PIEZO2: variants seen among roughly 807,000 people sequenced by gnomAD.
PIEZO2 encodes piezo-type mechanosensitive ion channel component 2.
A neutral mutation model predicts 337.3 loss-of-function variants in PIEZO2; 172 were observed. That is an observed-to-expected ratio of 0.51 (90% CI 0.45 to 0.58). The LOEUF is 0.58. PIEZO2 is among the 20% of genes least tolerant of loss of function. PIEZO2 has a pLI of 0.00. For synonymous variants in PIEZO2, 1,251 were observed against 1,228.5 expected (o/e 1.02, Z -0.38); for missense variants, 3,028 against 3,391.3 (o/e 0.89, Z 2.66).
Position 10,828,126 on chromosome 18 carries a change from G to T in PIEZO2, c.918-20852C>A, listed in dbSNP as rs768040803. 1.4e-4 allele frequency among the ~76,000 whole-genome samples: 13 copies of T among 92,018 alleles called. No homozygotes were observed. Among genetic ancestry groups the T allele is most frequent in the African/African-American group, 5.8e-4 (10 of 17,390 alleles). 60.4% of individuals were successfully genotyped at this position (92,018 alleles called of 152,430 possible). A position where few individuals can be genotyped will look rare whatever the true frequency, so the allele number is the denominator to read the frequency against. Reference sequence around the variant, plus strand: ...CGAAATAGCATGACGGTTTTTTTTTGTTTGTTTGTTTTTGTTTTTTTTTTT... The same window carrying T: ...CGAAATAGCATGACGGTTTTTTTTTTTTTGTTTGTTTTTGTTTTTTTTTTT... On this transcript the variant is annotated intron_variant, in intron 7 of 55. Transcript: ENST00000674853. The surrounding 1 kb of genome is among the most constrained non-coding windows in gnomAD (Gnocchi z 4.1).
intron 36 of PIEZO2, among the ~76,000 whole-genome samples, chr18:10,730,334 G>A (rs900586067): frequency 6.6e-6 from 1 of 152,194 alleles, no homozygotes; most frequent in Non-Finnish European, 1.5e-5. Flanking sequence ...TATTTCATTT[G>A]TATTTCTTGT....
In PIEZO2 at chr18:10,942,015, C is replaced by T. The variant is rs533609652; in HGVS notation, c.287-30787G>A. On this transcript the variant is annotated intron_variant, in intron 3 of 55. Transcript: ENST00000674853. This position sits in a 1 kb window ranked among gnomAD's most constrained non-coding sequence, Gnocchi z 4.4. ...GAGTTTCTCTGTACAAGTCTCTCTT[C>T]GCCTGCTGCCATCCACGTAAGATGT... 3.3e-5 allele frequency among the ~76,000 whole-genome samples: 5 copies of T among 152,192 alleles called. No individual in the cohort carries two copies. Among genetic ancestry groups the T allele is most frequent in the Admixed American group, 1.3e-4 (2 of 15,286 alleles).
Position 10,878,685 on chromosome 18 carries a change from G to A in PIEZO2, c.330-7270C>T, listed in dbSNP as rs903161441. ...AAGCACTTACTATGTGCCAGACACTGTCTCTAAGCACAGAGTATTGGTTGT... is the reference window on the plus strand; with the variant it reads ...AAGCACTTACTATGTGCCAGACACTATCTCTAAGCACAGAGTATTGGTTGT... On this transcript the variant is annotated intron_variant, in intron 4 of 55. Transcript: ENST00000674853. This position sits in a 1 kb window ranked among gnomAD's most constrained non-coding sequence, Gnocchi z 4.3. Among the ~76,000 whole-genome samples the A allele has an allele frequency of 2.0e-5, 3 of 151,936 alleles. No homozygotes were observed. Among genetic ancestry groups the A allele is most frequent in the Admixed American group, 6.6e-5 (1 of 15,248 alleles).
At chr18:10,947,333 G>A (rs1476510340) in intron 3 of PIEZO2, among the ~76,000 whole-genome samples, 1 of 151,978 alleles carries the variant, frequency 6.6e-6, no homozygotes, top group Non-Finnish European at 1.5e-5. Flanking sequence ...AAACCACGGA[G>A]GCCAGAAAAA....
chr18:10,970,312 G>A (rs2034183417), intron 3 of PIEZO2, among the ~76,000 whole-genome samples: 3 of 152,226 alleles, frequency 2.0e-5, no homozygotes, highest in Admixed American at 2.0e-4. Flanking sequence ...CAACGGGAAG[G>A]AGGAGATGAG....
intron 18 of PIEZO2, among the ~76,000 whole-genome samples, chr18:10,778,254 C>T (rs182123945): frequency 5.3e-5 from 8 of 152,186 alleles, no homozygotes. Flanking sequence ...ACACTGCATA[C>T]AGCATTTCAG....
At chr18:11,100,769 G>T (rs2039393753) in intron 1 of PIEZO2, among the ~76,000 whole-genome samples, 2 of 152,084 alleles carry the variant, frequency 1.3e-5, no homozygotes, top group East Asian at 3.9e-4. Context: ...CTAATTTTTT[G>T]TATTTTTAGT....
intron 2 of PIEZO2, among the ~76,000 whole-genome samples, chr18:10,995,108 C>T (rs895976154): frequency 1.7e-5 from 2 of 116,846 alleles, no homozygotes; most frequent in African/African-American, 3.6e-5. Context: ...AAAAGCGTTC[C>T]CTGCTCATCA....
rs1568354140 is a variant in PIEZO2, at chr18:11,077,636, C to CT, written c.65-11415dup. Among the ~76,000 whole-genome samples the CT allele has an allele frequency of 6.6e-6, 1 of 152,194 alleles. No individual in the cohort carries two copies. ...GCTGCAGTGAGCTGTGATCGCACCA[C>CT]TGCACTCCAGCCTGTTTCAGAAGTT... On this transcript the variant is annotated intron_variant, in intron 1 of 55. Coordinates refer to ENST00000674853, the MANE Select transcript of PIEZO2 (RefSeq NM_001378183.1). This position sits in a 1 kb window ranked among gnomAD's most constrained non-coding sequence, Gnocchi z 4.8.
At chr18:10,991,843 CCAA>C (rs2145559168) in intron 2 of PIEZO2, among the ~76,000 whole-genome samples, 1 of 152,314 alleles carries the variant, frequency 6.6e-6, no homozygotes, top group South Asian at 2.1e-4. Context: ...TACACTCCCA[CCAA>C]CAGTGTAAAA....
At chr18:10,902,638 A>C (rs993982403) in intron 4 of PIEZO2, among the ~76,000 whole-genome samples, 22 of 152,228 alleles carry the variant, frequency 1.4e-4, no homozygotes, top group African/African-American at 5.3e-4. Flanking sequence ...AAATAATATT[A>C]GTGTCATTTT....
rs2041405023 is a variant in PIEZO2, at chr18:10,847,507, A to G, written c.917+7846T>C. ...AGTGCAAAGGCCCGTGGGCTCGGCG[A>G]GAAGCCACAGTTGCTTTTGTACCCA... is the stretch of plus-strand genomic sequence containing the variant. On this transcript the variant is annotated intron_variant, in intron 7 of 55. Coordinates refer to ENST00000674853, the MANE Select transcript of PIEZO2 (RefSeq NM_001378183.1). The surrounding 1 kb of genome is among the most constrained non-coding windows in gnomAD (Gnocchi z 5.7). Among the ~76,000 whole-genome samples the G allele has an allele frequency of 6.6e-6, 1 of 152,166 alleles. No homozygotes were observed. The highest frequency in any genetic ancestry group is 6.5e-5 in the Admixed American group (1 of 15,274).
intron 3 of PIEZO2, among the ~76,000 whole-genome samples, chr18:10,936,138 T>C (rs916406464): frequency 6.6e-6 from 1 of 152,236 alleles, no homozygotes; most frequent in African/African-American, 2.4e-5. Flanking sequence ...GGCTGTGAGC[T>C]TGCATCTGCC....
chr18:10,849,631 G>A (rs1339772359), intron 7 of PIEZO2, among the ~76,000 whole-genome samples: 2 of 152,140 alleles, frequency 1.3e-5, no homozygotes, highest in Admixed American at 6.5e-5. Flanking sequence ...AGTAGGAAAC[G>A]CATGAGGATA....
chr18:10,756,412 A>T (rs1424869147), intron 27 of PIEZO2, among the ~76,000 whole-genome samples: 1 of 147,560 alleles, frequency 6.8e-6, no homozygotes, highest in Non-Finnish European at 1.5e-5. Flanking sequence ...CGGATGGAAG[A>T]GGAGAAGGAT....
At chr18:11,022,115 AG>A (rs968718137) in intron 2 of PIEZO2, among the ~76,000 whole-genome samples, 1 of 151,904 alleles carries the variant, frequency 6.6e-6, no homozygotes, top group African/African-American at 2.4e-5. Context: ...TACGAGAGGT[AG>A]GGGTATAGTG....
chr18:11,111,261 C>T lies in PIEZO2; in HGVS notation c.64+37264G>A, dbSNP rs976279690. 2.6e-5 allele frequency among the ~76,000 whole-genome samples: 4 copies of T among 152,128 alleles called. No individual in the cohort carries two copies. The highest frequency in any genetic ancestry group is 9.7e-5 in the African/African-American group (4 of 41,424). ...GATCTCTGGGGTCTGTGAGAACTTC[C>T]CTGGCCTTCGTTTCCCATCCCTTTC... On this transcript the variant is annotated intron_variant, in intron 1 of 55. Coordinates refer to ENST00000674853, the MANE Select transcript of PIEZO2 (RefSeq NM_001378183.1). The surrounding 1 kb of genome is among the most constrained non-coding windows in gnomAD (Gnocchi z 6.2).
intron 18 of PIEZO2, among the ~76,000 whole-genome samples, chr18:10,776,677 T>G (rs1025347790): frequency 1.3e-5 from 2 of 152,188 alleles, no homozygotes; most frequent in African/African-American, 4.8e-5. Context: ...ACTACTGCAT[T>G]CCCTGAGGAG....
chr18:10,734,749 A>AAGAAGCTGGCTGTACCGAGTGC, intron 35 of PIEZO2, among the ~76,000 whole-genome samples: 1 of 152,352 alleles, frequency 6.6e-6, no homozygotes, highest in South Asian at 2.1e-4. Flanking sequence ...TCAGCCCAGG[A>AAGAAGCTGGCTGTACCGAGTGC]AGAAGCTGGC....
Sources: allele counts gnomAD v4.1 joint callset (sites outside exome capture counted in the v4.1 genomes callset), GRCh38; gene constraint gnomAD v4.1.1; non-coding constraint Gnocchi (gnomAD v3.1); transcripts MANE v1.5; gene names NCBI Gene and HGNC (gene_info 2026-07-23, HGNC 2026-07-21).